TENM2: variants seen among roughly 807,000 people sequenced by gnomAD.
TENM2 encodes the protein teneurin transmembrane protein 2, also known as teneurin-2.
TENM2 carries 52 observed loss-of-function variants against 245.2 expected under a neutral mutation model. The ratio of observed to expected loss-of-function variants is 0.21; its 90% CI spans 0.17 to 0.27. The LOEUF (loss-of-function observed/expected upper bound fraction) is 0.27, where lower values mean the gene tolerates loss of function less well. Ranked by LOEUF, TENM2 falls within the 10% of genes least tolerant of loss-of-function variation. TENM2 has a pLI of 1.00. For synonymous variants in TENM2, 1,363 were observed against 1,438.9 expected, an observed-to-expected ratio of 0.95 and a Z score of 1.19; for missense variants, 3,046 against 3,666.8, an observed-to-expected ratio of 0.83 and a Z score of 4.37.
chr5:167,633,076 A>G (rs1356809432), intron 2 of TENM2, among the ~76,000 whole-genome samples: 1 of 152,170 alleles, frequency 6.6e-6, no homozygotes, highest in Admixed American at 6.5e-5. Context: ...TTAATTTTGG[A>G]TGTTTTGAGT....
At chr5:167,527,359 G>A (rs925945347) in intron 2 of TENM2, among the ~76,000 whole-genome samples, 1 of 151,976 alleles carries the variant, frequency 6.6e-6, no homozygotes, top group East Asian at 1.9e-4. Flanking sequence ...ATGTGTACAG[G>A]ATATCAAATA....
the TENM2 span, among the ~76,000 whole-genome samples, chr5:167,140,350 A>G: frequency 2.5e-3 from 374 of 152,268 alleles, 1 homozygote; most frequent in African/African-American, 8.4e-3. Flanking sequence ...TCTTGACTAT[A>G]ATCACCCTAT....
At chr5:167,829,948 C>A (rs1490457772) in intron 2 of TENM2, among the ~76,000 whole-genome samples, 1 of 152,194 alleles carries the variant, frequency 6.6e-6, no homozygotes, top group Non-Finnish European at 1.5e-5. Context: ...TCCTTCAGCT[C>A]CTCATGGAGA....
At chr5:167,708,218 G>A (rs1001936266) in intron 2 of TENM2, among the ~76,000 whole-genome samples, 15 of 149,378 alleles carry the variant, frequency 1.0e-4, no homozygotes, top group African/African-American at 3.7e-4. Context: ...TGTATGCTAC[G>A]GGGAAGAAAG....
At chr5:167,563,130 C>T (rs1773702879) in intron 2 of TENM2, among the ~76,000 whole-genome samples, 1 of 152,094 alleles carries the variant, frequency 6.6e-6, no homozygotes, top group Non-Finnish European at 1.5e-5. Flanking sequence ...GACCAAGCCT[C>T]AGATATATTT....
intron 3 of TENM2, among the ~76,000 whole-genome samples, chr5:167,892,072 G>A (rs928438564): frequency 2.6e-5 from 4 of 152,188 alleles, no homozygotes; most frequent in African/African-American, 7.2e-5. Context: ...AAAGGAGCTT[G>A]TGATATAACA....
intron 2 of TENM2, among the ~76,000 whole-genome samples, chr5:167,507,626 A>G (rs908064829): frequency 9.2e-5 from 14 of 152,172 alleles, no homozygotes; most frequent in African/African-American, 3.4e-4. Context: ...GTCATGAGTA[A>G]TAATGGCTTC....
chr5:168,238,258 A>AGAAAAGAAAAGAAAAGAAAG (rs1562321161), intron 25 of TENM2, among the ~76,000 whole-genome samples: 26 of 145,678 alleles, frequency 1.8e-4, no homozygotes, highest in African/African-American at 6.2e-4. Flanking sequence ...AGAAAAGAAA[A>AGAAAAGAAAAGAAAAGAAAG]GAAAAGAAAA....
At chr5:167,078,797 T>C in the TENM2 span, among the ~76,000 whole-genome samples, 1 of 152,194 alleles carries the variant, frequency 6.6e-6, no homozygotes, top group Non-Finnish European at 1.5e-5. Context: ...ATATAAACTA[T>C]TGATTTCTTA....
intron 7 of TENM2, among the ~76,000 whole-genome samples, chr5:168,072,416 A>T (rs1791093378): frequency 6.6e-6 from 1 of 152,218 alleles, no homozygotes; most frequent in South Asian, 2.1e-4. Context: ...TGATGAGGGC[A>T]TGACCTCGTG....
chr5:168,211,064 G>A (rs1005364708), intron 19 of TENM2, among the ~76,000 whole-genome samples: 11 of 152,130 alleles, frequency 7.2e-5, no homozygotes, highest in Admixed American at 2.0e-4. Context: ...AATATTGGAC[G>A]TTACCTTTTA....
chr5:167,924,033 G>T (rs1777565522), intron 3 of TENM2, among the ~76,000 whole-genome samples: 1 of 152,218 alleles, frequency 6.6e-6, no homozygotes, highest in African/African-American at 2.4e-5. Flanking sequence ...CCAGTTGTCA[G>T]TGCTGACAAA....
intron 2 of TENM2, among the ~76,000 whole-genome samples, chr5:167,533,587 G>T (rs1295085101): frequency 6.6e-6 from 1 of 152,096 alleles, no homozygotes; most frequent in Admixed American, 6.6e-5. Context: ...CTCCCAAGTA[G>T]TTGGGACTAC....
intron 2 of TENM2, among the ~76,000 whole-genome samples, chr5:167,550,579 C>A (rs570722246): frequency 6.6e-6 from 1 of 152,170 alleles, no homozygotes; most frequent in Non-Finnish European, 1.5e-5. Flanking sequence ...TGTGGCCTGG[C>A]AGTATGTTCT....
At chr5:167,512,056 T>C (rs945544485) in intron 2 of TENM2, among the ~76,000 whole-genome samples, 12 of 152,114 alleles carry the variant, frequency 7.9e-5, no homozygotes, top group African/African-American at 2.7e-4. Context: ...TTTGAACACA[T>C]AGGGAATGTC....
At chr5:167,897,228 G>A (rs527955123) in intron 3 of TENM2, among the ~76,000 whole-genome samples, 5 of 151,810 alleles carry the variant, frequency 3.3e-5, no homozygotes, top group South Asian at 4.2e-4. Context: ...ATGAGGACCC[G>A]CACTATTTCT....
At chr5:168,061,936 C>A (rs1211561906) in intron 6 of TENM2, 124 bp from the exon 9 acceptor site, 2 of 869,516 alleles carry the variant, frequency 2.3e-6, no homozygotes, top group Non-Finnish European at 3.4e-6. Context: ...AAGAAACTTG[C>A]CATGAGTTTA....
At chr5:167,875,621 G>A (rs1424699787) in intron 2 of TENM2, among the ~76,000 whole-genome samples, 2 of 152,056 alleles carry the variant, frequency 1.3e-5, no homozygotes, top group Non-Finnish European at 2.9e-5. Context: ...GATGGATTAT[G>A]TGGCAAGAAT....
At chr5:167,377,070 G>A (rs1760793657) in intron 2 of TENM2, among the ~76,000 whole-genome samples, 1 of 151,918 alleles carries the variant, frequency 6.6e-6, no homozygotes, top group African/African-American at 2.4e-5. Context: ...TAAGTTATAT[G>A]CATCTAAAAA....
Sources: allele counts gnomAD v4.1 joint callset (sites outside exome capture counted in the v4.1 genomes callset), GRCh38; gene constraint gnomAD v4.1.1; transcripts MANE v1.5; gene names NCBI Gene and HGNC (gene_info 2026-07-23, HGNC 2026-07-21).